The following CSGALNACT2 variants were observed in gnomAD, a reference collection of about 807,000 sequenced individuals.
CSGALNACT2 encodes the protein chondroitin sulfate N-acetylgalactosaminyltransferase 2.
In CSGALNACT2, 35 loss-of-function variants were observed where a neutral mutation model predicts 55.3. The observed-to-expected ratio is 0.63, with a 90% confidence interval of 0.48 to 0.84. CSGALNACT2 has a LOEUF of 0.84. Among genes scored for constraint, CSGALNACT2 ranks in the 40% least tolerant of loss-of-function variants. The pLI is 0.00. For missense variants in CSGALNACT2, 544 were observed against 657.5 expected (o/e 0.83, Z 1.89); for synonymous variants, 196 against 224.9 (o/e 0.87, Z 1.15).
chr10:43,155,391 A>G lies in CSGALNACT2; in HGVS notation c.242A>G (p.Gln81Arg). The change falls in exon 2 of 8, where the codon CAA (glutamine) becomes CGA (arginine). Residue 81 changes from glutamine to arginine, a missense_variant. By Grantham distance (43) the Gln-to-Arg change is conservative (BLOSUM62 1). Around this residue, in one of 2 missense-constraint regions of CSGALNACT2, gnomAD observed 374 missense variants for 401.3 expected, o/e 0.93. Transcript: ENST00000374466. ...ACCAGTCTGAAACGCCAAATTGCCCAACTAAAACAAGAATTACAAGAAATG... is the reference window on the plus strand; with the variant it reads ...ACCAGTCTGAAACGCCAAATTGCCCGACTAAAACAAGAATTACAAGAAATG... The part of the protein sequence containing the change: ...RATSLKRQIA[Q>R]LKQELQEMSE... The G allele has an allele frequency of 6.2e-7, 1 of 1,614,236 alleles. No individual in the cohort carries two copies. Among genetic ancestry groups the G allele is most frequent in the African/African-American group, 1.3e-5 (1 of 75,068 alleles).
intron 6 of CSGALNACT2, among the ~76,000 whole-genome samples, chr10:43,170,714 A>G (rs1236984615): frequency 6.6e-6 from 1 of 152,226 alleles, no homozygotes; most frequent in African/African-American, 2.4e-5. Flanking sequence ...CTTTCAAAGA[A>G]CATAGTATGG....
rs377210956 is a variant in CSGALNACT2, at chr10:43,176,029, A to G, written c.1333A>G (p.Ile445Val). 8.1e-6 allele frequency: 13 copies of G among 1,602,786 alleles called. No individual in the cohort carries two copies. Among genetic ancestry groups the G allele is most frequent in the Non-Finnish European group, 1.0e-5 (12 of 1,175,694 alleles). Residue 445 changes from isoleucine (I) to valine (V), a missense_variant, in exon 7 of 8, where the codon ATT becomes GTT. Ile to Val is a conservative substitution (Grantham distance 29). Transcript: ENST00000374466. ...TCAGTATCGTTCAGATTTCCTGACCATTGGTAAGTATACTTTACATTTAAG... is the reference window on the plus strand; with the variant it reads ...TCAGTATCGTTCAGATTTCCTGACCGTTGGTAAGTATACTTTACATTTAAG... ...TCQYRSDFLT[I>V]GGFDMEVKGW...
Position 43,155,770 on chromosome 10 carries a change from T to C in CSGALNACT2, c.621T>C (p.Leu207=). The change falls in exon 2 of 8, where the codon CTT becomes CTC. Residue 207 remains leucine (L), a synonymous_variant. Transcript: ENST00000374466. ...DDEQEDEEGP[L]GEKLIFNEND... ...AACAAGAAGATGAGGAGGGTCCCCT[T>C]GGAGAGAAACTGATATTTAATGAAA... 3 of 1,612,206 alleles carry C rather than the reference T, an allele frequency of 1.9e-6. No homozygotes were observed. Among genetic ancestry groups the C allele is most frequent in the East Asian group, 2.2e-5 (1 of 44,868 alleles).
rs1839660388 is a variant in CSGALNACT2 at position 43,184,679 on chromosome 10, TTTTAA to T, written c.*1140_*1144del. The T allele has an allele frequency of 6.6e-6, 1 of 152,200 alleles. No individual in the cohort carries two copies. Among genetic ancestry groups the T allele is most frequent in the Non-Finnish European group, 1.5e-5 (1 of 68,034 alleles). The allele number at this position is 152,200 out of a possible 1,614,324, so 9.4% of individuals were successfully genotyped here. A position where few individuals can be genotyped will look rare whatever the true frequency, so the allele number is the denominator to read the frequency against. On this transcript the variant is annotated 3_prime_UTR_variant, in exon 8 of 8. Transcript: ENST00000374466. ...AAATATGTCACTTGCATATAGAATG[TTTTAA>T]TTGAGGTATAAATTAATGAGACAAA...
intron 4 of CSGALNACT2, chr10:43,163,423 T>A: frequency 1.4e-6 from 1 of 722,436 alleles, no homozygotes; most frequent in Non-Finnish European, 1.7e-6. Context: ...GAGTGGGAGG[T>A]GGCAGCTGCT....
chr10:43,145,189 A>C (rs1038991918), intron 1 of CSGALNACT2, among the ~76,000 whole-genome samples: 7 of 152,230 alleles, frequency 4.6e-5, no homozygotes, highest in African/African-American at 1.7e-4. Flanking sequence ...AGCAAACAGC[A>C]ATTCATGAAT....
At chr10:43,170,373 C>A (rs1839359248) in intron 6 of CSGALNACT2, among the ~76,000 whole-genome samples, 1 of 152,116 alleles carries the variant, frequency 6.6e-6, no homozygotes, top group Non-Finnish European at 1.5e-5. Flanking sequence ...CAAGAAGACC[C>A]TGGAGCATCT....
intron 1 of CSGALNACT2, among the ~76,000 whole-genome samples, chr10:43,145,071 C>T (rs570199841): frequency 3.3e-4 from 50 of 152,162 alleles, no homozygotes; most frequent in African/African-American, 1.1e-3. Context: ...TGGGTTGTTT[C>T]TGGTTTTGGG....
In CSGALNACT2 at chr10:43,183,284, A is replaced by G. The variant is rs1564523352; in HGVS notation, c.1371A>G (p.Gly457=). 5.6e-6 allele frequency: 9 copies of G among 1,613,588 alleles called. No homozygotes were observed. The Admixed American group carries it at 8.3e-5, about 15-fold the overall frequency. ...GFDMEVKGWG[G]EDVHLYRKYL... ...ACATGGAAGTGAAAGGTTGGGGTGG[A>G]GAAGATGTTCATCTTTATCGAAAAT... is the stretch of plus-strand genomic sequence containing the variant. Residue 457 remains glycine, a synonymous_variant, in exon 8 of 8, where the codon GGA becomes GGG. Coordinates refer to ENST00000374466, the MANE Select transcript of CSGALNACT2 (RefSeq NM_018590.5).
At chr10:43,154,220 T>C (rs991466670) in intron 1 of CSGALNACT2, among the ~76,000 whole-genome samples, 1 of 152,198 alleles carries the variant, frequency 6.6e-6, no homozygotes, top group Admixed American at 6.5e-5. Context: ...AGTTCCCAAA[T>C]GGTCATAAGC....
At chr10:43,161,670 C>T (rs568583997) in intron 4 of CSGALNACT2, among the ~76,000 whole-genome samples, 22 of 152,296 alleles carry the variant, frequency 1.4e-4, no homozygotes, top group Non-Finnish European at 2.2e-4. Flanking sequence ...TTCCCTACAC[C>T]AGCTCCTCCT....
chr10:43,141,360 G>A (rs572940758), intron 1 of CSGALNACT2, among the ~76,000 whole-genome samples: 4 of 151,378 alleles, frequency 2.6e-5, no homozygotes, highest in Non-Finnish European at 4.4e-5. Flanking sequence ...TGGGACTACA[G>A]GCGCCCGCCA....
At position 43,160,508 on chromosome 10, in the gene CSGALNACT2, A is replaced by G; in HGVS notation, c.893A>G (p.His298Arg). 6.4e-7 allele frequency: 1 copy of G among 1,558,610 alleles called. No homozygotes were observed. The highest frequency in any genetic ancestry group is 8.8e-7 in the Non-Finnish European group (1 of 1,132,000). The change falls in exon 4 of 8, where the codon CAT (histidine) becomes CGT (arginine). Residue 298 changes from histidine (H) to arginine (R), a missense_variant. Around this residue, in one of 2 missense-constraint regions of CSGALNACT2, gnomAD observed 374 missense variants for 401.3 expected, o/e 0.93. Transcript: ENST00000374466. ...FMQNFRDVCIHQDKKIHLTVV... is the reference protein window; with the variant it reads ...FMQNFRDVCIRQDKKIHLTVV... ...ACTTCTGTTAGGGATGTTTGTATTC[A>G]TCAAGACAAGAAGATTCATCTCACA...
chr10:43,181,124 G>C (rs979641827), intron 7 of CSGALNACT2, among the ~76,000 whole-genome samples: 1 of 152,182 alleles, frequency 6.6e-6, no homozygotes, highest in East Asian at 1.9e-4. Context: ...GAGTATGGGG[G>C]TCCCAATATG....
At chr10:43,139,801 G>A (rs1054218062) in intron 1 of CSGALNACT2, among the ~76,000 whole-genome samples, 4 of 152,214 alleles carry the variant, frequency 2.6e-5, no homozygotes, top group Non-Finnish European at 5.9e-5. Context: ...TCATGGTATT[G>A]TATTATTACT....
chr10:43,143,259 C>A (rs1448603561), intron 1 of CSGALNACT2, among the ~76,000 whole-genome samples: 2 of 152,310 alleles, frequency 1.3e-5, no homozygotes, highest in East Asian at 3.9e-4. Context: ...TACCTAATTC[C>A]TTTAAAATAT....
At chr10:43,183,221 T>C in intron 7 of CSGALNACT2, 29 bp from the exon 8 acceptor site, 1 of 1,560,418 alleles carries the variant, frequency 6.4e-7, no homozygotes, top group Non-Finnish European at 8.8e-7. Flanking sequence ...AATAGGCAGT[T>C]ATTTATAGTG....
At chr10:43,147,014 CGCCCAG>C (rs1838769630) in intron 1 of CSGALNACT2, among the ~76,000 whole-genome samples, 1 of 97,316 alleles carries the variant, frequency 1.0e-5, no homozygotes, top group Non-Finnish European at 2.0e-5. Context: ...CTCGCTCTGT[CGCCCAG>C]GCTGGAGTGC....
chr10:43,181,630 G>C (rs574893931), intron 7 of CSGALNACT2, among the ~76,000 whole-genome samples: 1 of 151,558 alleles, frequency 6.6e-6, no homozygotes, highest in African/African-American at 2.4e-5. Flanking sequence ...TATTTGACAG[G>C]AGCCGGGCAT....
Sources: gnomAD v4.1 joint callset for allele counts (sites outside exome capture counted in the v4.1 genomes callset) on GRCh38, gnomAD v4.1.1 for gene constraint, gnomAD v4.1.1 regional missense constraint, MANE v1.5 for transcripts, NCBI Gene and HGNC (gene_info 2026-07-23, HGNC 2026-07-21) for gene names.